The following PRICKLE1 variants were observed in gnomAD, a reference collection of about 807,000 sequenced individuals.
PRICKLE1 encodes prickle planar cell polarity protein 1.
A neutral mutation model predicts 70.2 loss-of-function variants in PRICKLE1; 14 were observed. That is an observed-to-expected ratio of 0.20 (90% CI 0.13 to 0.31). The LOEUF is 0.31. Among genes scored for constraint, PRICKLE1 ranks in the 10% least tolerant of loss-of-function variants. The pLI, the probability that PRICKLE1 is intolerant of heterozygous loss-of-function variation, is 1.00. For missense variants in PRICKLE1, 821 were observed against 1,026.2 expected, an observed-to-expected ratio of 0.80 and a Z score of 2.73; for synonymous variants, 357 against 379.9, an observed-to-expected ratio of 0.94 and a Z score of 0.70.
chr12:42,494,470 G>A (rs1939158686), intron 1 of PRICKLE1, among the ~76,000 whole-genome samples: 1 of 152,136 alleles, frequency 6.6e-6, no homozygotes, highest in Non-Finnish European at 1.5e-5. Context: ...TTCACCAGGA[G>A]TAGATTCCAT....
intron 1 of PRICKLE1, among the ~76,000 whole-genome samples, chr12:42,508,770 T>G (rs1289325158): frequency 1.3e-5 from 2 of 152,136 alleles, no homozygotes; most frequent in African/African-American, 2.4e-5. Context: ...ATTGTGGCGC[T>G]CTATTCTGAT....
At chr12:42,568,018 T>C (rs957085069) in intron 1 of PRICKLE1, among the ~76,000 whole-genome samples, 1 of 152,158 alleles carries the variant, frequency 6.6e-6, no homozygotes, top group Non-Finnish European at 1.5e-5. Flanking sequence ...TCATTGTGAA[T>C]GGAATCTGGT....
At chr12:42,491,876 C>T (rs950643937) in intron 1 of PRICKLE1, among the ~76,000 whole-genome samples, 5 of 149,290 alleles carry the variant, frequency 3.3e-5, no homozygotes, top group East Asian at 2.0e-4. Context: ...TCCACTTCCC[C>T]GGGTTCAAGT....
chr12:42,522,272 G>A (rs1002124350), intron 1 of PRICKLE1, among the ~76,000 whole-genome samples: 1 of 151,918 alleles, frequency 6.6e-6, no homozygotes, highest in African/African-American at 2.4e-5. Context: ...TACCATACCT[G>A]GCCTTAACTT....
In PRICKLE1 at chr12:42,458,915, AGTT is replaced by A. The variant is rs1281620608; in HGVS notation, c.*891_*893del. 1 of 183,002 alleles carries A rather than the reference AGTT, an allele frequency of 5.5e-6. No individual in the cohort carries two copies. Among genetic ancestry groups the A allele is most frequent in the Non-Finnish European group, 1.2e-5 (1 of 86,050 alleles). The allele number at this position is 183,002 out of a possible 1,614,324, so 11.3% of individuals were successfully genotyped here. ...ACACTTGTAAGATTAATAGGGCCAT[AGTT>A]TTAAAGAGTACTTACATAGCCCCAC... On this transcript the variant is annotated 3_prime_UTR_variant, in exon 8 of 8. Coordinates refer to ENST00000345127, the MANE Select transcript of PRICKLE1 (RefSeq NM_153026.3).
At chr12:42,539,906 C>CA (rs1324790141) in intron 1 of PRICKLE1, among the ~76,000 whole-genome samples, 2 of 150,974 alleles carry the variant, frequency 1.3e-5, no homozygotes, top group Non-Finnish European at 3.0e-5. Flanking sequence ...AACAGTGGAA[C>CA]ACTGCCTTTA....
intron 5 of PRICKLE1, among the ~76,000 whole-genome samples, chr12:42,468,029 TATG>T (rs1372117418): frequency 1.3e-5 from 2 of 152,176 alleles, no homozygotes; most frequent in African/African-American, 4.8e-5. Flanking sequence ...ATACATATAT[TATG>T]GTTATGTAAG....
intron 1 of PRICKLE1, among the ~76,000 whole-genome samples, chr12:42,564,416 A>G (rs1472939668): frequency 1.3e-5 from 2 of 151,750 alleles, no homozygotes; most frequent in Non-Finnish European, 2.9e-5. Flanking sequence ...AGATCAGCCA[A>G]CTCAACATGG....
chr12:42,577,257 T>C (rs1287904264), intron 1 of PRICKLE1, among the ~76,000 whole-genome samples: 1 of 152,208 alleles, frequency 6.6e-6, no homozygotes, highest in African/African-American at 2.4e-5. Flanking sequence ...GCCACTATTG[T>C]AACAACATTC....
At position 42,468,927 on chromosome 12, in the gene PRICKLE1, G is replaced by A. The variant is rs143176736; in HGVS notation, c.385-98C>T. 6 of 1,271,394 alleles carry A rather than the reference G, an allele frequency of 4.7e-6. 1 individual carries two copies. The African/African-American group carries it at 8.9e-5, about 19-fold the overall frequency. 78.8% of individuals were successfully genotyped at this position (1,271,394 alleles called of 1,614,324 possible). ...GATAAATCTCGAATTTGTCAGGAAT[G>A]TATTTATTTTTGCTACCTCTTTTAG... On this transcript the variant is annotated intron_variant, in intron 4 of 7. Transcript: ENST00000345127.
chr12:42,508,000 T>A (rs759530369), intron 1 of PRICKLE1, among the ~76,000 whole-genome samples: 1 of 152,218 alleles, frequency 6.6e-6, no homozygotes, highest in Non-Finnish European at 1.5e-5. Context: ...TTGCCCTTTT[T>A]GGGGTTTTAT....
At chr12:42,466,001 A>C (rs1029520339) in intron 6 of PRICKLE1, 193 bp downstream of exon 6, 3 of 655,964 alleles carry the variant, frequency 4.6e-6, no homozygotes, top group Non-Finnish European at 8.0e-6. Flanking sequence ...GAACACAACT[A>C]CTGCAAGTAA....
At chr12:42,505,976 C>T (rs1335328625) in intron 1 of PRICKLE1, among the ~76,000 whole-genome samples, 1 of 152,156 alleles carries the variant, frequency 6.6e-6, no homozygotes, top group African/African-American at 2.4e-5. Context: ...ACTTTGGTTA[C>T]CAGCTCTCCT....
chr12:42,560,782 A>T (rs1940499470), intron 1 of PRICKLE1, among the ~76,000 whole-genome samples: 1 of 37,236 alleles, frequency 2.7e-5, no homozygotes, highest in Non-Finnish European at 4.8e-5. Flanking sequence ...ACACACACAC[A>T]CACACACACA....
chr12:42,500,878 T>C (rs1206678822), intron 1 of PRICKLE1, among the ~76,000 whole-genome samples: 1 of 152,216 alleles, frequency 6.6e-6, no homozygotes, highest in African/African-American at 2.4e-5. Context: ...CAAACATTTT[T>C]ACTTAACACA....
At chr12:42,539,051 A>G (rs942423512) in intron 1 of PRICKLE1, among the ~76,000 whole-genome samples, 25 of 152,242 alleles carry the variant, frequency 1.6e-4, no homozygotes, top group African/African-American at 6.0e-4. Context: ...AATTTAAGAA[A>G]TAGCTGGAAA....
In PRICKLE1 at chr12:42,572,750, C is replaced by A. The variant is rs923027738; in HGVS notation, c.-49+16715G>T. Reference sequence around the variant, plus strand: ...GCTGAGGTAGGAGGCCTACTTGAGCCCAGGAAGTCGAGGCCGCAAGTGAGC... The same window carrying A: ...GCTGAGGTAGGAGGCCTACTTGAGCACAGGAAGTCGAGGCCGCAAGTGAGC... On this transcript the variant is annotated intron_variant, in intron 1 of 7. Coordinates refer to ENST00000345127, the MANE Select transcript of PRICKLE1 (RefSeq NM_153026.3). 4.6e-5 allele frequency among the ~76,000 whole-genome samples: 7 copies of A among 152,132 alleles called. 1 individual carries two copies. The South Asian group carries it at 1.5e-3, about 32-fold the overall frequency.
At chr12:42,475,436 GC>G in intron 1 of PRICKLE1, among the ~76,000 whole-genome samples, 1 of 152,280 alleles carries the variant, frequency 6.6e-6, no homozygotes, top group East Asian at 1.9e-4. Context: ...AGGGTCAATT[GC>G]CCAAGGTCAG....
intron 1 of PRICKLE1, among the ~76,000 whole-genome samples, chr12:42,476,357 T>C (rs1282328541): frequency 6.6e-6 from 1 of 152,020 alleles, no homozygotes; most frequent in Non-Finnish European, 1.5e-5. Flanking sequence ...TAATTTCATA[T>C]TTTTAGTAGA....
Sources: allele counts gnomAD v4.1 joint callset (sites outside exome capture counted in the v4.1 genomes callset), GRCh38; gene constraint gnomAD v4.1.1; transcripts MANE v1.5; gene names NCBI Gene and HGNC (gene_info 2026-07-23, HGNC 2026-07-21).